Variants in NRG1 observed in about 807,000 individuals in gnomAD.
NRG1 encodes the protein neuregulin 1, also known as pro-neuregulin-1, membrane-bound isoform.
A neutral mutation model predicts 63.8 loss-of-function variants in NRG1; 18 were observed. That is an observed-to-expected ratio of 0.28 (90% CI 0.19 to 0.42). NRG1 has a LOEUF of 0.42. Ranked by LOEUF, NRG1 falls within the 10% of genes least tolerant of loss-of-function variation. NRG1 has a pLI of 1.00. For missense variants in NRG1, 762 were observed against 814.7 expected, an observed-to-expected ratio of 0.94 and a Z score of 0.79; for synonymous variants, 302 against 301.3, an observed-to-expected ratio of 1.00 and a Z score of -0.02.
chr8:32,018,754 T>C (rs1363519144), intron 1 of NRG1, among the ~76,000 whole-genome samples: 1 of 152,338 alleles, frequency 6.6e-6, no homozygotes, highest in East Asian at 1.9e-4. Flanking sequence ...TTGGTGGGCA[T>C]GCATACTGAT....
chr8:32,441,311 CA>C (rs1052845042), intron 1 of NRG1: 6 of 152,214 alleles, frequency 3.9e-5, no homozygotes, highest in South Asian at 2.1e-4. Context: ...TGGTAGCAAC[CA>C]TCCAAGCTGC....
chr8:32,439,355 A>C (rs1250660819), intron 1 of NRG1, among the ~76,000 whole-genome samples: 2 of 152,200 alleles, frequency 1.3e-5, no homozygotes, highest in Non-Finnish European at 2.9e-5. Context: ...ATTTTACTGG[A>C]TTACATCTAA....
At chr8:32,230,521 C>G (rs1846810447) in intron 1 of NRG1, among the ~76,000 whole-genome samples, 1 of 152,058 alleles carries the variant, frequency 6.6e-6, no homozygotes, top group South Asian at 2.1e-4. Flanking sequence ...GGAAGTTAAT[C>G]CTGAGGAAAG....
chr8:32,127,926 C>A (rs984961476), intron 1 of NRG1, among the ~76,000 whole-genome samples: 6 of 151,810 alleles, frequency 4.0e-5, no homozygotes, highest in Admixed American at 2.6e-4. Flanking sequence ...ATAGTTAGAC[C>A]CCATTTCTTA....
intron 1 of NRG1, among the ~76,000 whole-genome samples, chr8:31,834,845 A>G (rs1260605521): frequency 6.6e-6 from 1 of 152,162 alleles, no homozygotes. Context: ...GCTCCTTCTC[A>G]TTGCCATTGA....
intron 1 of NRG1, among the ~76,000 whole-genome samples, chr8:32,219,021 AT>A: frequency 6.6e-6 from 1 of 152,294 alleles, no homozygotes; most frequent in South Asian, 2.1e-4. Context: ...CTTATGAAAT[AT>A]TTGGTAGTGT....
intron 1 of NRG1, among the ~76,000 whole-genome samples, chr8:32,290,728 T>A (rs561424801): frequency 7.9e-5 from 12 of 152,296 alleles, no homozygotes; most frequent in South Asian, 4.1e-4. Flanking sequence ...TATCAATGGA[T>A]TAGATTTTAT....
chr8:32,135,748 A>T (rs1835425948), intron 1 of NRG1, among the ~76,000 whole-genome samples: 1 of 152,050 alleles, frequency 6.6e-6, no homozygotes. Context: ...TAGGACATGG[A>T]TGCAATTTTG....
chr8:32,650,551 T>C (rs60099073), intron 5 of NRG1, among the ~76,000 whole-genome samples: 51,305 of 149,216 alleles, frequency 0.34, 8,714 homozygotes, highest in Admixed American at 0.36. Context: ...GTGGGGAGAG[T>C]AGTGTTTGAA....
chr8:32,736,333 T>A lies in NRG1; in HGVS notation c.633-6342T>A, dbSNP rs530982528. Among the ~76,000 whole-genome samples, 96 of 152,170 alleles carry A rather than the reference T, an allele frequency of 6.3e-4. 1 individual carries two copies. Among genetic ancestry groups the A allele is most frequent in the African/African-American group, 2.3e-3 (95 of 41,516 alleles). ...ACAACACAGATACTCAGCCAGTGAG[T>A]GGGCGAGTTCTGGGCAGAATGCTGA... On this transcript the variant is annotated intron_variant, in intron 6 of 11. Transcript: ENST00000356819.
At chr8:32,682,562 A>C (rs1055295840) in intron 5 of NRG1, among the ~76,000 whole-genome samples, 1 of 152,190 alleles carries the variant, frequency 6.6e-6, no homozygotes, top group African/African-American at 2.4e-5. Flanking sequence ...CTAGAAGATA[A>C]ATGTAATATT....
At chr8:31,823,117 C>CTTTTTTT (rs147209584) in intron 1 of NRG1, among the ~76,000 whole-genome samples, 14 of 77,954 alleles carry the variant, frequency 1.8e-4, no homozygotes, top group Non-Finnish European at 2.2e-4. Context: ...TGTCCTTGTT[C>CTTTTTTT]TTTTTTTTTT....
chr8:31,775,459 T>C (rs958185987), intron 1 of NRG1, among the ~76,000 whole-genome samples: 1 of 152,188 alleles, frequency 6.6e-6, no homozygotes, highest in Admixed American at 6.5e-5. Flanking sequence ...TGGGAGGGGT[T>C]TGAGGTTTGA....
At chr8:32,733,389 A>G (rs1249023778) in intron 6 of NRG1, among the ~76,000 whole-genome samples, 1 of 152,192 alleles carries the variant, frequency 6.6e-6, no homozygotes, top group African/African-American at 2.4e-5. Context: ...GAAAAACATA[A>G]CTATGGGAGA....
At chr8:32,122,089 T>C (rs1351304309) in intron 1 of NRG1, among the ~76,000 whole-genome samples, 2 of 152,032 alleles carry the variant, frequency 1.3e-5, no homozygotes, top group Admixed American at 1.3e-4. Context: ...TGATTCTAAA[T>C]AGGTGAGCTG....
intron 1 of NRG1, among the ~76,000 whole-genome samples, chr8:32,528,221 A>G (rs1452762627): frequency 6.6e-6 from 1 of 152,192 alleles, no homozygotes; most frequent in Non-Finnish European, 1.5e-5. Context: ...TTTTTCATAT[A>G]TGACTACGTG....
intron 1 of NRG1, among the ~76,000 whole-genome samples, chr8:31,957,061 G>A (rs1804561692): frequency 6.6e-6 from 1 of 152,086 alleles, no homozygotes; most frequent in Non-Finnish European, 1.5e-5. Flanking sequence ...GGGATATAAG[G>A]CAAATTTAGA....
intron 1 of NRG1, among the ~76,000 whole-genome samples, chr8:32,383,514 C>A (rs1348344897): frequency 6.6e-6 from 1 of 152,140 alleles, no homozygotes; most frequent in Non-Finnish European, 1.5e-5. Context: ...GAACCTAACA[C>A]CCTGAAATTT....
intron 1 of NRG1, among the ~76,000 whole-genome samples, chr8:31,764,733 T>A (rs1410926795): frequency 6.6e-6 from 1 of 152,140 alleles, no homozygotes; most frequent in Non-Finnish European, 1.5e-5. Context: ...TTTACTTACA[T>A]CTTCTTTGAT....
Sources: allele counts gnomAD v4.1 joint callset (sites outside exome capture counted in the v4.1 genomes callset), GRCh38; gene constraint gnomAD v4.1.1; transcripts MANE v1.5; gene names NCBI Gene and HGNC (gene_info 2026-07-23, HGNC 2026-07-21).